Variants in LRRC7 observed in about 807,000 individuals in gnomAD.
LRRC7 encodes leucine-rich repeat-containing protein 7.
A neutral mutation model predicts 175.7 loss-of-function variants in LRRC7; 23 were observed. That is an observed-to-expected ratio of 0.13 (90% confidence interval 0.09 to 0.19). The LOEUF is 0.19. LRRC7 is among the 10% of genes least tolerant of loss of function. The probability of loss-of-function intolerance (pLI) is 1.00; values close to 1 mark genes in which losing one functional copy is unlikely to be tolerated. For missense variants in LRRC7, 1,354 were observed against 1,904.7 expected (o/e 0.71, Z 5.38); for synonymous variants, 685 against 680.9 (o/e 1.01, Z -0.09).
At chr1:69,934,841 C>T (rs1647824807) in intron 8 of LRRC7, among the ~76,000 whole-genome samples, 1 of 152,134 alleles carries the variant, frequency 6.6e-6, no homozygotes, top group South Asian at 2.1e-4. Context: ...GACCCAGCTT[C>T]CAGCTGCAAG....
intron 7 of LRRC7, among the ~76,000 whole-genome samples, chr1:69,891,738 GA>G (rs112191329): frequency 0.14 from 21,589 of 149,476 alleles, 2,263 homozygotes; most frequent in African/African-American, 0.3. Flanking sequence ...TCTCAAAAAC[GA>G]AAAAAAAATC....
chr1:69,803,093 T>A (rs1355004385), intron 4 of LRRC7, among the ~76,000 whole-genome samples: 1 of 151,404 alleles, frequency 6.6e-6, no homozygotes, highest in South Asian at 2.1e-4. Context: ...TTCCCCAAAC[T>A]ATTCATCCTG....
At chr1:69,972,219 A>G (rs886911212) in intron 8 of LRRC7, among the ~76,000 whole-genome samples, 1 of 152,256 alleles carries the variant, frequency 6.6e-6, no homozygotes, top group African/African-American at 2.4e-5. Context: ...TTAGGCAATG[A>G]TTTCATAACC....
In LRRC7 at chr1:69,568,571, A is replaced by G; in HGVS notation, c.-69A>G. 1 of 1,334,822 alleles carries G rather than the reference A, an allele frequency of 7.5e-7. No homozygotes were observed. Among genetic ancestry groups the G allele is most frequent in the Non-Finnish European group, 9.9e-7 (1 of 1,006,788 alleles). 82.7% of individuals were successfully genotyped at this position (1,334,822 alleles called of 1,614,324 possible). On this transcript the variant is annotated 5_prime_UTR_variant, in exon 1 of 27. Coordinates refer to ENST00000651989, the MANE Select transcript of LRRC7 (RefSeq NM_001370785.2). ...CTCCACTGCGGACCCCTGAACACTTAAGGAATAACCCTTGGCAGCTGCACG... is the reference window on the plus strand; with the variant it reads ...CTCCACTGCGGACCCCTGAACACTTGAGGAATAACCCTTGGCAGCTGCACG...
At chr1:69,779,858 T>C (rs145528126) in intron 3 of LRRC7, among the ~76,000 whole-genome samples, 1 of 152,334 alleles carries the variant, frequency 6.6e-6, no homozygotes, top group African/African-American at 2.4e-5. Flanking sequence ...CAATGTTACT[T>C]GATACTACCA....
At chr1:69,623,180 A>G (rs1432335524) in intron 1 of LRRC7, among the ~76,000 whole-genome samples, 1 of 152,166 alleles carries the variant, frequency 6.6e-6, no homozygotes. Context: ...CTTCAGGGAA[A>G]CTCCAACTCC....
intron 7 of LRRC7, among the ~76,000 whole-genome samples, chr1:69,871,554 A>G (rs1685544569): frequency 1.3e-5 from 2 of 152,014 alleles, no homozygotes; most frequent in South Asian, 4.1e-4. Flanking sequence ...TAAAATATAA[A>G]AATATAATAT....
chr1:70,054,378 C>T (rs998911808), intron 23 of LRRC7, among the ~76,000 whole-genome samples: 1 of 151,870 alleles, frequency 6.6e-6, no homozygotes, highest in Non-Finnish European at 1.5e-5. Context: ...GTTTACAAAT[C>T]CCAAAACAAG....
intron 5 of LRRC7, 107 bp from the exon 6 acceptor site, chr1:69,834,673 G>GA: frequency 1.1e-6 from 1 of 892,844 alleles, no homozygotes; most frequent in South Asian, 1.5e-5. Flanking sequence ...AAGGAGAGTT[G>GA]AAAAATGTAT....
chr1:69,875,946 C>T (rs78964744), intron 7 of LRRC7, among the ~76,000 whole-genome samples: 189 of 152,130 alleles, frequency 1.2e-3, no homozygotes, highest in Admixed American at 3.0e-3. Flanking sequence ...CCATTCTGTA[C>T]GATACAAATA....
intron 7 of LRRC7, among the ~76,000 whole-genome samples, chr1:69,855,068 A>G (rs572286495): frequency 9.9e-5 from 15 of 152,268 alleles, no homozygotes; most frequent in Middle Eastern, 3.4e-3. Flanking sequence ...TTTTCTTTAC[A>G]TGGTTGATGC....
chr1:69,903,439 TCTGGCCCAGATACTACAC>T (rs1478657036), intron 7 of LRRC7, among the ~76,000 whole-genome samples: 1 of 152,132 alleles, frequency 6.6e-6, no homozygotes, highest in African/African-American at 2.4e-5. Context: ...GACGGTGCAC[TCTGGCCCAGATACTACAC>T]CTTTCCCACA....
rs553963333 is a variant in LRRC7 at position 70,094,097 on chromosome 1, C to T, written c.4545+4278C>T. 2.0e-5 allele frequency among the ~76,000 whole-genome samples: 3 copies of T among 152,276 alleles called. No homozygotes were observed. The East Asian group carries it at 5.8e-4, about 29-fold the overall frequency. On this transcript the variant is annotated intron_variant, in intron 25 of 26. Transcript: ENST00000651989. ...TTAAAGAAGACTTATAGCCCTTTCC[C>T]TATATGGTGTAAAGGTGTTACACTG...
intron 1 of LRRC7, among the ~76,000 whole-genome samples, chr1:69,585,993 G>C (rs893143403): frequency 1.3e-5 from 2 of 152,118 alleles, no homozygotes; most frequent in African/African-American, 4.8e-5. Flanking sequence ...AAAATGAAGA[G>C]ACTATAAATT....
chr1:69,624,660 TA>T (rs1307751683), intron 1 of LRRC7, among the ~76,000 whole-genome samples: 1 of 152,154 alleles, frequency 6.6e-6, no homozygotes, highest in Non-Finnish European at 1.5e-5. Context: ...TACACTCATC[TA>T]AATTTTACTT....
At position 70,127,760 on chromosome 1, in the gene LRRC7, C is replaced by T. The variant is rs952311685; in HGVS notation, c.*5873C>T. ...TGTGCCTAATTTTGTTATGGCAGCACCTCAAAAGGTGGAAGGTTGTGAAAT... is the reference window on the plus strand; with the variant it reads ...TGTGCCTAATTTTGTTATGGCAGCATCTCAAAAGGTGGAAGGTTGTGAAAT... On this transcript the variant is annotated 3_prime_UTR_variant, in exon 27 of 27. Transcript: ENST00000651989. 6.6e-6 allele frequency among the ~76,000 whole-genome samples: 1 copy of T among 152,148 alleles called. No individual in the cohort carries two copies. The highest frequency in any genetic ancestry group is 1.5e-5 in the Non-Finnish European group (1 of 68,034).
chr1:69,673,676 A>T (rs1376427900), intron 1 of LRRC7, among the ~76,000 whole-genome samples: 1 of 152,220 alleles, frequency 6.6e-6, no homozygotes, highest in East Asian at 1.9e-4. Context: ...TCAGTTATAT[A>T]ATAATTTAGA....
chr1:69,924,305 T>A (rs2101746349), intron 7 of LRRC7, among the ~76,000 whole-genome samples: 1 of 152,154 alleles, frequency 6.6e-6, no homozygotes, highest in Non-Finnish European at 1.5e-5. Context: ...TGGTTCCATA[T>A]GAACTTTAAA....
In LRRC7 at chr1:70,128,442, A is replaced by T. The variant is rs561199593; in HGVS notation, c.*6555A>T. On this transcript the variant is annotated 3_prime_UTR_variant, in exon 27 of 27. Transcript: ENST00000651989. The stretch of plus-strand genomic sequence containing the variant: ...CTTTAAAATAACAGGTTGAATAAGC[A>T]GCCTAACAAATAGCCAAGTATCTTT... The T allele has an allele frequency of 6.6e-6, 1 of 152,296 alleles. No homozygotes were observed. Among genetic ancestry groups the T allele is most frequent in the East Asian group, 1.9e-4 (1 of 5,190 alleles). 9.4% of individuals were successfully genotyped at this position (152,296 alleles called of 1,614,324 possible).
Sources: allele counts gnomAD v4.1 joint callset (sites outside exome capture counted in the v4.1 genomes callset), GRCh38; gene constraint gnomAD v4.1.1; transcripts MANE v1.5; gene names NCBI Gene and HGNC (gene_info 2026-07-23, HGNC 2026-07-21).